The following SMC6 variants were observed in gnomAD, a reference collection of about 807,000 sequenced individuals.
SMC6 encodes the protein structural maintenance of chromosomes protein 6.
SMC6 carries 79 observed loss-of-function variants against 142.2 expected under a neutral mutation model. That is an observed-to-expected ratio of 0.56 (90% CI 0.46 to 0.67). The LOEUF (loss-of-function observed/expected upper bound fraction) is 0.67. SMC6 is among the 30% of genes least tolerant of loss of function. The pLI is 0.00. For missense variants in SMC6, 1,072 were observed against 1,284.0 expected, an observed-to-expected ratio of 0.83 and a Z score of 2.52; for synonymous variants, 411 against 412.4, an observed-to-expected ratio of 1.00 and a Z score of 0.04.
chr2:17,699,899 A>G (rs752700324), intron 21 of SMC6, among the ~76,000 whole-genome samples: 1 of 152,070 alleles, frequency 6.6e-6, no homozygotes, highest in Non-Finnish European at 1.5e-5. Context: ...GCACAGAGAC[A>G]TTGTACACGT....
intron 9 of SMC6, 39 bp downstream of exon 9, chr2:17,725,218 G>A: frequency 7.3e-7 from 1 of 1,374,916 alleles, no homozygotes; most frequent in Non-Finnish European, 1.0e-6. Context: ...ATAAGAATTT[G>A]GCTGATCTCA....
At chr2:17,697,812 C>T (rs1308632947) in intron 21 of SMC6, among the ~76,000 whole-genome samples, 1 of 152,054 alleles carries the variant, frequency 6.6e-6, no homozygotes, top group East Asian at 1.9e-4. Flanking sequence ...AGTGTAAGCA[C>T]ATAGCTTAGT....
chr2:17,679,011 T>C (rs746375179), intron 24 of SMC6, 47 bp from the exon 25 acceptor site: 2 of 1,308,168 alleles, frequency 1.5e-6, no homozygotes, highest in South Asian at 2.5e-5. Flanking sequence ...CAAAGGTTTT[T>C]TAAAAACTAT....
At position 17,726,476 on chromosome 2, in the gene SMC6, C is replaced by A. The variant is rs1669634735; in HGVS notation, c.544-7G>T. On this transcript the variant is annotated splice_region_variant and splice_polypyrimidine_tract_variant and intron_variant, in intron 7 of 27. Coordinates refer to ENST00000448223, the MANE Select transcript of SMC6 (RefSeq NM_001142286.2). ...CAGAAACTGGATTATCCACCTCAAA[C>A]AAACAAAAAGTCATTTTTGAATATT... 1.2e-6 allele frequency: 2 copies of A among 1,604,494 alleles called. No individual in the cohort carries two copies. Among genetic ancestry groups the A allele is most frequent in the Admixed American group, 1.7e-5 (1 of 58,246 alleles).
chr2:17,723,602 C>G (rs780807174), intron 9 of SMC6, among the ~76,000 whole-genome samples: 30 of 152,164 alleles, frequency 2.0e-4, no homozygotes, highest in Non-Finnish European at 4.3e-4. Context: ...TAATAACTCC[C>G]CCATCATGAC....
chr2:17,720,279 T>C (rs753366404), intron 11 of SMC6, among the ~76,000 whole-genome samples: 11 of 152,240 alleles, frequency 7.2e-5, no homozygotes, highest in Non-Finnish European at 1.6e-4. Context: ...CAACAGAGAA[T>C]GACTGCCTTT....
At chr2:17,705,300 G>A (rs990679939) in intron 18 of SMC6, among the ~76,000 whole-genome samples, 7 of 150,782 alleles carry the variant, frequency 4.6e-5, no homozygotes, top group African/African-American at 1.7e-4. Context: ...TGCCAGGCTG[G>A]GTGCGGTGGC....
rs1052519537 is a variant in SMC6, at chr2:17,663,919, G to C, written c.*1580C>G. The C allele has an allele frequency of 5.9e-5, 9 of 152,004 alleles. No individual in the cohort carries two copies. The highest frequency in any genetic ancestry group is 1.0e-4 in the Non-Finnish European group (7 of 67,990). The allele number at this position is 152,004 out of a possible 1,614,324, so 9.4% of individuals were successfully genotyped here. A position where few individuals can be genotyped will look rare whatever the true frequency, so the allele number is the denominator to read the frequency against. On this transcript the variant is annotated 3_prime_UTR_variant, in exon 28 of 28. Transcript: ENST00000448223. ...TATTATCACTACTTAGAACATTAAA[G>C]GAAGATATTTTCACTTATGATAGTT...
At chr2:17,741,174 T>C (rs528725831) in intron 4 of SMC6, among the ~76,000 whole-genome samples, 11 of 152,322 alleles carry the variant, frequency 7.2e-5, no homozygotes, top group African/African-American at 2.6e-4. Context: ...AATCGATAAT[T>C]TTCATTCAAG....
rs6711251 is a variant in SMC6, at chr2:17,708,651, C to T, written c.1833G>A (p.Val611=). 2.1e-3 allele frequency: 3,143 copies of T among 1,507,630 alleles called. 47 individuals carry two copies. The African/African-American group carries it at 0.036, about 17-fold the overall frequency. The allele number at this position is 1,507,630 out of a possible 1,614,324, so 93.4% of individuals were successfully genotyped here. A position where few individuals can be genotyped will look rare whatever the true frequency, so the allele number is the denominator to read the frequency against. Residue 611 remains valine (V), a synonymous_variant, in exon 17 of 28, where the codon GTG becomes GTA. Coordinates refer to ENST00000448223, the MANE Select transcript of SMC6 (RefSeq NM_001142286.2). ...CTGGAGGTCTTACTTTGATTAGTAG[C>T]ACTGTCTCTATGCCTCTCATGTCAA... ...SLIDMRGIET[V]LLIKNNSVAR...
chr2:17,688,311 C>T (rs1324696139), intron 23 of SMC6, among the ~76,000 whole-genome samples: 2 of 138,896 alleles, frequency 1.4e-5, no homozygotes, highest in African/African-American at 2.8e-5. Flanking sequence ...TTTAAAAATG[C>T]TATTAAAAAA....
chr2:17,697,383 A>G (rs952386331), intron 21 of SMC6, among the ~76,000 whole-genome samples: 1 of 152,098 alleles, frequency 6.6e-6, no homozygotes, highest in Non-Finnish European at 1.5e-5. Context: ...ACAGGTCAAT[A>G]CAAAATTCAG....
rs181124045 is a variant in SMC6 at position 17,731,035 on chromosome 2, A to T, written c.543+43T>A. On this transcript the variant is annotated intron_variant, in intron 7 of 27. Coordinates refer to ENST00000448223, the MANE Select transcript of SMC6 (RefSeq NM_001142286.2). ...CAAGTGAAATCGCACTAAAAAAATG[A>T]CAAGGTGTATGAATTAATCTGAAAC... is the stretch of plus-strand genomic sequence containing the variant. 4.7e-6 allele frequency: 7 copies of T among 1,489,700 alleles called. No homozygotes were observed. The East Asian group carries it at 1.6e-4, about 34-fold the overall frequency. The allele number at this position is 1,489,700 out of a possible 1,614,324, so 92.3% of individuals were successfully genotyped here.
intron 23 of SMC6, among the ~76,000 whole-genome samples, chr2:17,691,214 GAAGA>G (rs774249620): frequency 1.7e-5 from 2 of 117,738 alleles, no homozygotes; most frequent in African/African-American, 3.1e-5. Flanking sequence ...ATTAATGAAT[GAAGA>G]GAGAAAAATG....
At chr2:17,714,744 A>G (rs933070160) in intron 16 of SMC6, 117 bp downstream of exon 16, 1 of 1,069,068 alleles carries the variant, frequency 9.4e-7, no homozygotes, top group African/African-American at 1.6e-5. Flanking sequence ...AAGTGGCTTG[A>G]TGAAATTTTA....
At chr2:17,697,650 C>T (rs891229648) in intron 21 of SMC6, among the ~76,000 whole-genome samples, 2 of 152,002 alleles carry the variant, frequency 1.3e-5, no homozygotes, top group African/African-American at 2.4e-5. Context: ...AATGAGATAC[C>T]ACTTCTCACT....
At chr2:17,711,745 A>G (rs1358020458) in intron 16 of SMC6, among the ~76,000 whole-genome samples, 1 of 152,088 alleles carries the variant, frequency 6.6e-6, no homozygotes, top group Non-Finnish European at 1.5e-5. Context: ...CAGGCTCCTG[A>G]GTAGCTGGGA....
intron 23 of SMC6, among the ~76,000 whole-genome samples, chr2:17,686,458 G>T (rs1667458329): frequency 6.6e-6 from 1 of 152,024 alleles, no homozygotes; most frequent in Admixed American, 6.6e-5. Context: ...CTCCAGCATG[G>T]GCAACAGAGT....
intron 20 of SMC6, 43 bp from the exon 21 acceptor site, chr2:17,700,421 T>A (rs544531709): frequency 1.3e-5 from 19 of 1,440,238 alleles, no homozygotes. Flanking sequence ...TAAAATACTT[T>A]AAGTTTTCAA....
Sources: allele counts gnomAD v4.1 joint callset (sites outside exome capture counted in the v4.1 genomes callset), GRCh38; gene constraint gnomAD v4.1.1; transcripts MANE v1.5; gene names NCBI Gene and HGNC (gene_info 2026-07-23, HGNC 2026-07-21).